Variants in CSMD1 observed in about 807,000 individuals in gnomAD.
CSMD1 encodes the protein CUB and sushi domain-containing protein 1.
In CSMD1, 213 loss-of-function variants were observed where a neutral mutation model predicts 417.5. That is an observed-to-expected ratio of 0.51 (90% CI 0.46 to 0.57). The LOEUF (loss-of-function observed/expected upper bound fraction) is 0.57. CSMD1 is among the 20% of genes least tolerant of loss of function. The pLI is 0.00. For missense variants in CSMD1, 6,923 were observed against 4,529.7 expected (o/e 1.53, Z -15.17); for synonymous variants, 2,862 against 1,736.8 (o/e 1.65, Z -16.11).
intron 63 of CSMD1, among the ~76,000 whole-genome samples, chr8:2,957,183 T>G (rs1416664904): frequency 6.6e-6 from 1 of 152,164 alleles, no homozygotes; most frequent in East Asian, 1.9e-4. Context: ...GAATGATCAA[T>G]TCATATATAC....
At chr8:3,693,388 G>A (rs1486757372) in intron 7 of CSMD1, among the ~76,000 whole-genome samples, 2 of 152,122 alleles carry the variant, frequency 1.3e-5, no homozygotes, top group African/African-American at 4.8e-5. Context: ...GGAATATAAT[G>A]ACTTTTGTTA....
intron 12 of CSMD1, among the ~76,000 whole-genome samples, chr8:3,444,946 A>G (rs1585174740): frequency 6.6e-6 from 1 of 152,268 alleles, no homozygotes; most frequent in Non-Finnish European, 1.5e-5. Flanking sequence ...GGGAGAAAAC[A>G]CCACTAGCTA....
Position 4,813,875 on chromosome 8 carries a change from C to T in CSMD1, c.86-176317G>A, listed in dbSNP as rs569821440. Among the ~76,000 whole-genome samples the T allele has an allele frequency of 5.3e-5, 8 of 152,244 alleles. No homozygotes were observed. The East Asian group carries it at 1.4e-3, about 26-fold the overall frequency. On this transcript the variant is annotated intron_variant, in intron 1 of 69. Transcript: ENST00000635120. Reference sequence around the variant, plus strand: ...GCATTCTCAGGTTTTGTGTGTTTTCCATTAGAGAATATTTACAAGTAGGTC... The same window carrying T: ...GCATTCTCAGGTTTTGTGTGTTTTCTATTAGAGAATATTTACAAGTAGGTC...
At chr8:4,821,979 A>C (rs1261419224) in intron 1 of CSMD1, among the ~76,000 whole-genome samples, 1 of 152,028 alleles carries the variant, frequency 6.6e-6, no homozygotes, top group Non-Finnish European at 1.5e-5. Flanking sequence ...ACTACGTAAA[A>C]TAAAGTTCCT....
At position 3,586,147 on chromosome 8, in the gene CSMD1, G is replaced by T. The variant is rs1457936005; in HGVS notation, c.1211C>A (p.Pro404His). The change falls in exon 9 of 70, where the codon CCC (proline) becomes CAC (histidine). Residue 404 changes from proline (P) to histidine (H), a missense_variant. Physicochemically the swap from Pro to His is moderately conservative, Grantham distance 77. Coordinates refer to ENST00000635120, the MANE Select transcript of CSMD1 (RefSeq NM_033225.6). ...ETLAAWSDHRPICRARTCGSN... is the reference protein window; with the variant it reads ...ETLAAWSDHRHICRARTCGSN... ...CGCAGGTGCCTTACCTCGGCAGATG[G>T]GCCTGTGGTCACTCCAAGCAGCGAG... The T allele has an allele frequency of 1.2e-6, 2 of 1,612,104 alleles. No individual in the cohort carries two copies.
chr8:3,968,571 G>A (rs750387847), intron 5 of CSMD1, among the ~76,000 whole-genome samples: 8 of 152,106 alleles, frequency 5.3e-5, no homozygotes, highest in East Asian at 3.9e-4. Context: ...CAATAACCAA[G>A]AGAACAGGTG....
At chr8:3,326,355 T>C (rs749323407) in intron 23 of CSMD1, among the ~76,000 whole-genome samples, 10 of 152,224 alleles carry the variant, frequency 6.6e-5, no homozygotes, top group Non-Finnish European at 1.0e-4. Context: ...TCGTGGTACC[T>C]TCCACCTTCC....
intron 2 of CSMD1, among the ~76,000 whole-genome samples, chr8:4,474,551 T>G (rs1800698969): frequency 6.6e-6 from 1 of 152,186 alleles, no homozygotes. Flanking sequence ...GGTTTAGCAC[T>G]TTTGAGAGTG....
intron 12 of CSMD1, among the ~76,000 whole-genome samples, chr8:3,417,597 G>A (rs1408386364): frequency 6.6e-6 from 1 of 152,182 alleles, no homozygotes; most frequent in Non-Finnish European, 1.5e-5. Context: ...CATGCGGGAA[G>A]TGTTAATGAA....
chr8:4,259,749 C>T (rs1305459343), intron 3 of CSMD1, among the ~76,000 whole-genome samples: 1 of 151,950 alleles, frequency 6.6e-6, no homozygotes, highest in African/African-American at 2.4e-5. Flanking sequence ...ACATGTATTT[C>T]ATAAACCCTA....
chr8:4,911,041 G>T (rs969153355), intron 1 of CSMD1, among the ~76,000 whole-genome samples: 5 of 152,194 alleles, frequency 3.3e-5, no homozygotes, highest in African/African-American at 1.2e-4. Context: ...ATCCATGTAA[G>T]ATGTGACTTG....
At chr8:4,923,211 T>C (rs1481214674) in intron 1 of CSMD1, among the ~76,000 whole-genome samples, 2 of 152,222 alleles carry the variant, frequency 1.3e-5, no homozygotes, top group African/African-American at 2.4e-5. Flanking sequence ...AGTTACATAA[T>C]AGTAGACACA....
intron 2 of CSMD1, among the ~76,000 whole-genome samples, chr8:4,464,251 T>C (rs1462309976): frequency 6.6e-6 from 1 of 152,148 alleles, no homozygotes; most frequent in Admixed American, 6.5e-5. Context: ...ATTAACATCT[T>C]CCTGCAGTGA....
intron 1 of CSMD1, among the ~76,000 whole-genome samples, chr8:4,984,425 A>C (rs1252899254): frequency 6.6e-6 from 1 of 152,196 alleles, no homozygotes; most frequent in African/African-American, 2.4e-5. Context: ...AAGAGCAATG[A>C]ATCAATGTCT....
intron 5 of CSMD1, among the ~76,000 whole-genome samples, chr8:3,821,234 A>T (rs1425529435): frequency 6.6e-6 from 1 of 152,132 alleles, no homozygotes; most frequent in Non-Finnish European, 1.5e-5. Context: ...TAACTTTTTT[A>T]AAAGTAGAAT....
At chr8:4,392,142 G>T (rs572526290) in intron 3 of CSMD1, among the ~76,000 whole-genome samples, 1 of 152,172 alleles carries the variant, frequency 6.6e-6, no homozygotes, top group Non-Finnish European at 1.5e-5. Flanking sequence ...CCAGATTGCT[G>T]ACCACTGAAA....
chr8:4,826,923 G>A lies in CSMD1; in HGVS notation c.85+167409C>T, dbSNP rs182131878. On this transcript the variant is annotated intron_variant, in intron 1 of 69. Transcript: ENST00000635120. ...CTCAAAATCTGAGCACTTATCTAGT[G>A]CCAGCTTACTACTCACCCTTGAGTG... Among the ~76,000 whole-genome samples, 5 of 152,198 alleles carry A rather than the reference G, an allele frequency of 3.3e-5. No homozygotes were observed. The East Asian group carries it at 5.8e-4, about 18-fold the overall frequency.
At position 4,700,095 on chromosome 8, in the gene CSMD1, G is replaced by C. The variant is rs370422246; in HGVS notation, c.86-62537C>G. Among the ~76,000 whole-genome samples, 6 of 152,252 alleles carry C rather than the reference G, an allele frequency of 3.9e-5. No homozygotes were observed. The East Asian group carries it at 1.2e-3, about 29-fold the overall frequency. On this transcript the variant is annotated intron_variant, in intron 1 of 69. Transcript: ENST00000635120. Reference sequence around the variant, plus strand: ...TAATGAGATGAAGGAGCTCACCACAGAGTCATTTTTCTAATAAGTGGTGAA... The same window carrying C: ...TAATGAGATGAAGGAGCTCACCACACAGTCATTTTTCTAATAAGTGGTGAA...
chr8:4,819,085 G>T (rs1293129963), intron 1 of CSMD1, among the ~76,000 whole-genome samples: 2 of 152,216 alleles, frequency 1.3e-5, no homozygotes, highest in African/African-American at 4.8e-5. Context: ...AACAGCACTT[G>T]CATGTCACTT....
Sources: allele counts gnomAD v4.1 joint callset (sites outside exome capture counted in the v4.1 genomes callset), GRCh38; gene constraint gnomAD v4.1.1; transcripts MANE v1.5; gene names NCBI Gene and HGNC (gene_info 2026-07-23, HGNC 2026-07-21).